SLC2A9: variants seen among roughly 807,000 people sequenced by gnomAD.
SLC2A9 encodes solute carrier family 2 member 9.
Under a neutral mutation model 50.6 loss-of-function variants are expected in SLC2A9, and 39 were observed. The observed-to-expected ratio is 0.77, with a 90% CI of 0.60 to 1.01. The LOEUF is 1.01. Among genes scored for constraint, SLC2A9 ranks in the 50% least tolerant of loss-of-function variants. The pLI, the probability that SLC2A9 is intolerant of heterozygous loss-of-function variation, is 0.00. For synonymous variants in SLC2A9, 324 were observed against 276.9 expected (o/e 1.17, Z -1.69); for missense variants, 686 against 677.6 (o/e 1.01, Z -0.14).
intron 6 of SLC2A9, among the ~76,000 whole-genome samples, chr4:9,935,777 G>C (rs939611195): frequency 6.6e-6 from 1 of 152,234 alleles, no homozygotes; most frequent in Non-Finnish European, 1.5e-5. Flanking sequence ...GATGCACCCA[G>C]TCAAACCTGA....
At chr4:9,789,724 G>A (rs1256308975) in intron 3 of SLC2A9, among the ~76,000 whole-genome samples, 2 of 152,236 alleles carry the variant, frequency 1.3e-5, no homozygotes, top group South Asian at 4.1e-4. Context: ...TCAGACTTTT[G>A]CTTTGACACT....
At chr4:9,971,518 T>C (rs1753907986) in intron 5 of SLC2A9, among the ~76,000 whole-genome samples, 1 of 152,190 alleles carries the variant, frequency 6.6e-6, no homozygotes, top group Non-Finnish European at 1.5e-5. Flanking sequence ...AAACCCCTCT[T>C]GTTGCTCAAA....
At chr4:10,018,916 G>T in intron 2 of SLC2A9, 59 bp downstream of exon 2, 3 of 1,508,076 alleles carry the variant, frequency 2.0e-6, no homozygotes, top group Non-Finnish European at 2.7e-6. Flanking sequence ...GGGCCCTTGC[G>T]CACCCGAAGG....
intron 10 of SLC2A9, among the ~76,000 whole-genome samples, chr4:9,874,162 G>A (rs1405207490): frequency 6.6e-6 from 1 of 152,096 alleles, no homozygotes. Flanking sequence ...CCTCTCTGAT[G>A]TCTGTCCTCT....
chr4:10,011,116 G>A (rs972043603), intron 2 of SLC2A9, among the ~76,000 whole-genome samples: 4 of 152,070 alleles, frequency 2.6e-5, no homozygotes, highest in Admixed American at 6.6e-5. Flanking sequence ...GGCCCTTTTG[G>A]ACTGAAGTCT....
intron 5 of SLC2A9, among the ~76,000 whole-genome samples, chr4:9,953,014 C>A (rs766267169): frequency 5.9e-5 from 9 of 152,182 alleles, no homozygotes; most frequent in African/African-American, 9.7e-5. Flanking sequence ...TTGTAAGATG[C>A]TTTGCAAAAG....
intron 11 of SLC2A9, among the ~76,000 whole-genome samples, chr4:9,828,166 G>C (rs1725451104): frequency 6.6e-6 from 1 of 152,068 alleles, no homozygotes; most frequent in Non-Finnish European, 1.5e-5. Context: ...GAGGCAGGCT[G>C]AGCTTCTCTC....
chr4:9,990,570 G>A (rs1757524314), intron 3 of SLC2A9, among the ~76,000 whole-genome samples: 1 of 152,134 alleles, frequency 6.6e-6, no homozygotes, highest in South Asian at 2.1e-4. Flanking sequence ...TGGGGGATGG[G>A]GTTGAAGATT....
chr4:9,781,621 G>C (rs1577254644), intron 3 of SLC2A9: 1 of 165,830 alleles, frequency 6.0e-6, no homozygotes, highest in African/African-American at 2.4e-5. Flanking sequence ...GCCAGGGACC[G>C]CGGCAGCGCC....
downstream of SLC2A9, among the ~76,000 whole-genome samples, chr4:9,795,520 C>T (rs1439500004): frequency 6.6e-6 from 1 of 152,198 alleles, no homozygotes; most frequent in East Asian, 1.9e-4. Flanking sequence ...GTCACTCAGT[C>T]TCATAAGAGC....
intron 5 of SLC2A9, among the ~76,000 whole-genome samples, chr4:9,954,933 G>C (rs1750948852): frequency 6.6e-6 from 1 of 152,146 alleles, no homozygotes. Flanking sequence ...TAAGCTTCCC[G>C]ACAAGATCTC....
chr4:9,956,685 G>C (rs138717131), intron 5 of SLC2A9, among the ~76,000 whole-genome samples: 3 of 152,078 alleles, frequency 2.0e-5, no homozygotes, highest in Non-Finnish European at 2.9e-5. Context: ...TCTAGGGCTA[G>C]CATTTCAAAT....
chr4:10,010,216 C>T (rs1323899463), intron 2 of SLC2A9, among the ~76,000 whole-genome samples: 2 of 152,190 alleles, frequency 1.3e-5, no homozygotes, highest in Non-Finnish European at 2.9e-5. Flanking sequence ...AAATTTGGAA[C>T]ACTGAAGCTT....
At chr4:9,836,631 T>G (rs1170871834) in intron 10 of SLC2A9, among the ~76,000 whole-genome samples, 1 of 152,190 alleles carries the variant, frequency 6.6e-6, no homozygotes, top group Non-Finnish European at 1.5e-5. Flanking sequence ...GCAGGGCCAA[T>G]GAAGCAGCCT....
chr4:9,974,284 A>G (rs944045845), intron 5 of SLC2A9, among the ~76,000 whole-genome samples: 1 of 152,188 alleles, frequency 6.6e-6, no homozygotes, highest in Non-Finnish European at 1.5e-5. Context: ...TTCTAGCCAG[A>G]GCAATCAGGC....
At position 10,031,213 on chromosome 4, in the gene SLC2A9, C is replaced by A. The variant is rs555003484; in HGVS notation, c.-40-5207G>T. Among the ~76,000 whole-genome samples the A allele has an allele frequency of 1.3e-4, 20 of 152,328 alleles. No homozygotes were observed. In the South Asian group the frequency reaches 3.9e-3, roughly 30 times the overall value. ...CCATGCCATTTCCTCCCTTTGATTTCTTCCAACATGAGACACAAAAGGATA... is the reference window on the plus strand; with the variant it reads ...CCATGCCATTTCCTCCCTTTGATTTATTCCAACATGAGACACAAAAGGATA... On this transcript the variant is annotated intron_variant, in intron 1 of 12. Transcript: ENST00000309065.
At chr4:9,900,978 A>C (rs940531483) in intron 8 of SLC2A9, among the ~76,000 whole-genome samples, 12 of 152,226 alleles carry the variant, frequency 7.9e-5, no homozygotes, top group African/African-American at 2.9e-4. Context: ...GGGTGGGGAC[A>C]CAGAGCCAAA....
intron 8 of SLC2A9, among the ~76,000 whole-genome samples, chr4:9,892,867 C>T (rs1243245863): frequency 2.6e-5 from 4 of 152,160 alleles, no homozygotes; most frequent in Admixed American, 6.5e-5. Context: ...AGTCTAGATA[C>T]CAATAGCTAA....
At chr4:9,779,006 T>A (rs1717949199), downstream of SLC2A9, among the ~76,000 whole-genome samples, 1 of 152,052 alleles carries the variant, frequency 6.6e-6, no homozygotes, top group Admixed American at 6.5e-5. Flanking sequence ...GACTTCATGA[T>A]CTACTTGCCT....
Sources: allele counts gnomAD v4.1 joint callset (sites outside exome capture counted in the v4.1 genomes callset), GRCh38; gene constraint gnomAD v4.1.1; transcripts MANE v1.5; gene names NCBI Gene and HGNC (gene_info 2026-07-23, HGNC 2026-07-21).